Variants in GDPD4 observed in about 807,000 individuals in gnomAD.
GDPD4 encodes glycerophosphodiester phosphodiesterase 6.
A neutral mutation model predicts 67.8 loss-of-function variants in GDPD4; 60 were observed. The observed-to-expected ratio is 0.88, with a 90% confidence interval of 0.72 to 1.10. The LOEUF (loss-of-function observed/expected upper bound fraction) is 1.10. Among genes scored for constraint, GDPD4 ranks in the 50% least tolerant of loss-of-function variants. The pLI is 0.00. For missense variants in GDPD4, 623 were observed against 613.9 expected, an observed-to-expected ratio of 1.01 and a Z score of -0.16; for synonymous variants, 212 against 210.9, an observed-to-expected ratio of 1.00 and a Z score of -0.04.
intron 16 of GDPD4, among the ~76,000 whole-genome samples, chr11:77,225,806 A>T (rs950448380): frequency 5.9e-5 from 9 of 152,146 alleles, no homozygotes; most frequent in African/African-American, 1.9e-4. Context: ...AACACATGGC[A>T]CTCCGTATTT....
At chr11:77,244,506 G>C (rs1038589359) in intron 12 of GDPD4, among the ~76,000 whole-genome samples, 4 of 152,152 alleles carry the variant, frequency 2.6e-5, no homozygotes, top group African/African-American at 9.7e-5. Context: ...TGGGTGAATA[G>C]TGAGAATCAA....
intron 1 of GDPD4, among the ~76,000 whole-genome samples, chr11:77,298,665 C>T (rs1020122591): frequency 6.6e-6 from 1 of 152,032 alleles, no homozygotes; most frequent in Non-Finnish European, 1.5e-5. Flanking sequence ...ACAAATGTTT[C>T]CTATTCAGAT....
chr11:77,254,112 T>G lies in GDPD4; in HGVS notation c.864+4274A>C, dbSNP rs78659489. ...CCAAGATGGCATTGCGCAGTAGCCA[T>G]GTAGGCCACGGGGCAGGCACAGCTG... On this transcript the variant is annotated intron_variant, in intron 11 of 16. Transcript: ENST00000315938. 1.3e-4 allele frequency among the ~76,000 whole-genome samples: 20 copies of G among 152,284 alleles called. No homozygotes were observed. In the East Asian group the frequency reaches 3.5e-3, roughly 26 times the overall value.
intron 1 of GDPD4, among the ~76,000 whole-genome samples, chr11:77,295,893 T>G (rs970494137): frequency 2.0e-5 from 3 of 152,322 alleles, no homozygotes; most frequent in East Asian, 3.9e-4. Context: ...TATGCATTTG[T>G]CAAAACTTGC....
chr11:77,240,764 G>A lies in GDPD4; in HGVS notation c.1241+2930C>T, dbSNP rs779964924. Among the ~76,000 whole-genome samples, 7 of 152,204 alleles carry A rather than the reference G, an allele frequency of 4.6e-5. No homozygotes were observed. In the East Asian group the frequency reaches 9.7e-4, roughly 21 times the overall value. ...TAACCCAATGAAAAAATGGGCTAAG[G>A]ACCTGAAGAGATATTTCTCAAAAGA... On this transcript the variant is annotated intron_variant, in intron 13 of 16. Transcript: ENST00000315938.
intron 1 of GDPD4, among the ~76,000 whole-genome samples, chr11:77,294,451 T>C (rs868394689): frequency 1.1e-4 from 17 of 152,308 alleles, no homozygotes; most frequent in South Asian, 2.1e-4. Context: ...AACTATAAGA[T>C]ACTTGATGAA....
At chr11:77,246,809 ACAG>A in intron 11 of GDPD4, among the ~76,000 whole-genome samples, 1 of 152,294 alleles carries the variant, frequency 6.6e-6, no homozygotes, top group South Asian at 2.1e-4. Context: ...TTTGAAACGC[ACAG>A]CATTTCACCT....
chr11:77,235,503 G>T (rs144315943), intron 13 of GDPD4, among the ~76,000 whole-genome samples: 1 of 152,158 alleles, frequency 6.6e-6, no homozygotes, highest in Admixed American at 6.5e-5. Context: ...GAACAGAACC[G>T]AAAACCATAC....
rs78760219 is a variant in GDPD4, at chr11:77,270,077, A to G, written c.401-117T>C. The G allele has an allele frequency of 9.6e-3, 5,546 of 575,632 alleles. 63 individuals are homozygous for G. The highest frequency in any genetic ancestry group is 9.2e-3 in the Non-Finnish European group (3,005 of 325,472). 35.7% of individuals were successfully genotyped at this position (575,632 alleles called of 1,614,324 possible). ...CACAAGCATATATATATAAACACACAATGGCAGCACTATCTATGCAGTCTT... is the reference window on the plus strand; with the variant it reads ...CACAAGCATATATATATAAACACACGATGGCAGCACTATCTATGCAGTCTT... On this transcript the variant is annotated intron_variant, in intron 7 of 16. Transcript: ENST00000315938.
At chr11:77,226,261 A>T (rs1016614534) in intron 16 of GDPD4, among the ~76,000 whole-genome samples, 2 of 152,160 alleles carry the variant, frequency 1.3e-5, no homozygotes, top group Middle Eastern at 3.4e-3. Context: ...TATGGGCTGA[A>T]TTATGTCCCC....
chr11:77,236,854 G>A (rs965635033), intron 13 of GDPD4, among the ~76,000 whole-genome samples: 4 of 152,154 alleles, frequency 2.6e-5, no homozygotes, highest in Non-Finnish European at 5.9e-5. Context: ...TTTGATTGGG[G>A]AAGTTGCTGC....
chr11:77,245,217 A>G, intron 12 of GDPD4, 64 bp downstream of exon 12: 1 of 1,217,972 alleles, frequency 8.2e-7, no homozygotes, highest in Non-Finnish European at 1.2e-6. Context: ...AAGTTCAACT[A>G]CTGTGCTCCT....
intron 11 of GDPD4, among the ~76,000 whole-genome samples, chr11:77,257,117 A>G (rs574640704): frequency 7.9e-4 from 121 of 152,330 alleles, no homozygotes; most frequent in Non-Finnish European, 1.4e-3. Context: ...CTACTACCGT[A>G]TAAGTGAGCT....
At chr11:77,223,279 C>G (rs1261301784) in intron 16 of GDPD4, among the ~76,000 whole-genome samples, 2 of 152,136 alleles carry the variant, frequency 1.3e-5, no homozygotes, top group Non-Finnish European at 2.9e-5. Context: ...AGCTGCAATC[C>G]TTTGGAGGAG....
At chr11:77,255,857 ACT>A (rs1958993799) in intron 11 of GDPD4, among the ~76,000 whole-genome samples, 1 of 152,256 alleles carries the variant, frequency 6.6e-6, no homozygotes, top group Admixed American at 6.5e-5. Context: ...ACAGAGCGAG[ACT>A]CTGTCTCAAA....
At chr11:77,286,865 A>G (rs373224729) in intron 2 of GDPD4, 4 of 152,376 alleles carry the variant, frequency 2.6e-5, no homozygotes, top group South Asian at 2.1e-4. Context: ...AGAGCAAATT[A>G]CAATTCAGGC....
chr11:77,300,905 A>G (rs1938137949), intron 1 of GDPD4, among the ~76,000 whole-genome samples: 1 of 152,204 alleles, frequency 6.6e-6, no homozygotes, highest in Non-Finnish European at 1.5e-5. Context: ...ACTAATTGCA[A>G]ATACTGGGGT....
In GDPD4 at chr11:77,232,966, G is replaced by A. The variant is rs977702032; in HGVS notation, c.1389+59C>T. On this transcript the variant is annotated intron_variant, in intron 14 of 16. Transcript: ENST00000315938. ...ATGGCACAGTGGGCAACACAGGGCT[G>A]GGGGGCCTGCACTGCTATCATACCA... 6 of 1,543,842 alleles carry A rather than the reference G, an allele frequency of 3.9e-6. No individual in the cohort carries two copies. The Admixed American group carries it at 8.4e-5, about 22-fold the overall frequency.
intron 14 of GDPD4, among the ~76,000 whole-genome samples, chr11:77,232,064 G>A (rs12273430): frequency 0.04 from 6,149 of 151,920 alleles, 444 homozygotes; most frequent in African/African-American, 0.14. Context: ...GTGGAGATCT[G>A]GAGGAGGTGA....
Sources: allele counts gnomAD v4.1 joint callset (sites outside exome capture counted in the v4.1 genomes callset), GRCh38; gene constraint gnomAD v4.1.1; transcripts MANE v1.5; gene names NCBI Gene and HGNC (gene_info 2026-07-23, HGNC 2026-07-21).